SLC35F3: variants seen among roughly 807,000 people sequenced by gnomAD.
The protein encoded by SLC35F3 is putative thiamine transporter SLC35F3.
Under a neutral mutation model 49.9 loss-of-function variants are expected in SLC35F3, and 25 were observed. The observed-to-expected ratio is 0.50, with a 90% CI of 0.37 to 0.70. SLC35F3 has a LOEUF of 0.70. Ranked by LOEUF, SLC35F3 falls within the 30% of genes least tolerant of loss-of-function variation. The probability of loss-of-function intolerance (pLI) is 0.00; values close to 1 mark genes in which losing one functional copy is unlikely to be tolerated. For synonymous variants in SLC35F3, 275 were observed against 265.4 expected (o/e 1.04, Z -0.35); for missense variants, 525 against 639.8 (o/e 0.82, Z 1.94).
chr1:234,169,435 G>A (rs1207619002), intron 2 of SLC35F3, among the ~76,000 whole-genome samples: 6 of 152,202 alleles, frequency 3.9e-5, no homozygotes, highest in Non-Finnish European at 7.3e-5. Context: ...AGGACAAAGC[G>A]TTCCCGGCTG....
At chr1:234,168,263 C>A (rs1056257252) in intron 2 of SLC35F3, among the ~76,000 whole-genome samples, 3 of 152,224 alleles carry the variant, frequency 2.0e-5, no homozygotes, top group Non-Finnish European at 4.4e-5. Flanking sequence ...CTGCCACATG[C>A]GTGGCACTGA....
chr1:234,068,550 A>C (rs1664654664), intron 2 of SLC35F3, among the ~76,000 whole-genome samples: 1 of 151,920 alleles, frequency 6.6e-6, no homozygotes. Flanking sequence ...TAGAACCCAT[A>C]ATTGCTGTCC....
At chr1:234,232,173 C>T (rs1667389170) in intron 3 of SLC35F3, among the ~76,000 whole-genome samples, 1 of 152,230 alleles carries the variant, frequency 6.6e-6, no homozygotes, top group Non-Finnish European at 1.5e-5. Context: ...GACTTCCTTA[C>T]TCATCCTCTT....
chr1:234,100,710 C>A (rs1159165348), intron 2 of SLC35F3, among the ~76,000 whole-genome samples: 2 of 152,226 alleles, frequency 1.3e-5, no homozygotes, highest in Non-Finnish European at 2.9e-5. Flanking sequence ...AATAGAGGGA[C>A]AGAGAGACCC....
At chr1:234,084,747 G>A (rs934216772) in intron 2 of SLC35F3, among the ~76,000 whole-genome samples, 3 of 152,156 alleles carry the variant, frequency 2.0e-5, no homozygotes, top group Non-Finnish European at 2.9e-5. Flanking sequence ...AAGAAGTCAG[G>A]TGGGAAGTGG....
At chr1:233,961,252 CT>C (rs1662796333) in intron 2 of SLC35F3, among the ~76,000 whole-genome samples, 1 of 152,120 alleles carries the variant, frequency 6.6e-6, no homozygotes, top group East Asian at 1.9e-4. Flanking sequence ...TGAAGGCACT[CT>C]CTGTGCCTTG....
At chr1:234,056,684 A>G (rs1664461356) in intron 2 of SLC35F3, among the ~76,000 whole-genome samples, 1 of 151,956 alleles carries the variant, frequency 6.6e-6, no homozygotes, top group South Asian at 2.1e-4. Context: ...CAATTCATCT[A>G]TTTTTTCTTT....
At chr1:234,058,485 T>C (rs1378364898) in intron 2 of SLC35F3, among the ~76,000 whole-genome samples, 1 of 151,756 alleles carries the variant, frequency 6.6e-6, no homozygotes, top group Non-Finnish European at 1.5e-5. Flanking sequence ...GCTGAGACTA[T>C]AGGCATGCAC....
At chr1:234,260,426 A>T (rs1334829805) in intron 3 of SLC35F3, among the ~76,000 whole-genome samples, 1 of 152,186 alleles carries the variant, frequency 6.6e-6, no homozygotes, top group Non-Finnish European at 1.5e-5. Context: ...GAATTCAGCG[A>T]TGGCCATCTG....
Position 234,232,331 on chromosome 1 carries a change from A to C in SLC35F3, c.608+590A>C, listed in dbSNP as rs1667391697. On this transcript the variant is annotated intron_variant, in intron 3 of 7. Transcript: ENST00000366618. ...CCATTGGAATGACGTCCCTTTCAAA[A>C]AGAGGCCAGAAACCCTGACCTCAAC... is the stretch of plus-strand genomic sequence containing the variant. 2.0e-5 allele frequency among the ~76,000 whole-genome samples: 3 copies of C among 152,098 alleles called. No individual in the cohort carries two copies. In the South Asian group the frequency reaches 6.2e-4, roughly 32 times the overall value.
At chr1:234,201,042 G>A (rs375957687) in intron 2 of SLC35F3, among the ~76,000 whole-genome samples, 1 of 152,084 alleles carries the variant, frequency 6.6e-6, no homozygotes, top group African/African-American at 2.4e-5. Flanking sequence ...GCCCTCCTTT[G>A]CAGGAGCACA....
chr1:234,242,023 C>T (rs1572110968), intron 3 of SLC35F3, among the ~76,000 whole-genome samples: 1 of 152,248 alleles, frequency 6.6e-6, no homozygotes. Flanking sequence ...CTGGCATTCT[C>T]TCCCATATTA....
At chr1:234,317,766 G>A (rs1657525704) in intron 5 of SLC35F3, among the ~76,000 whole-genome samples, 1 of 152,196 alleles carries the variant, frequency 6.6e-6, no homozygotes, top group Non-Finnish European at 1.5e-5. Flanking sequence ...TGAGACTCTA[G>A]CAACTGTCCA....
intron 4 of SLC35F3, among the ~76,000 whole-genome samples, chr1:234,310,445 A>AG (rs1465194541): frequency 6.6e-6 from 1 of 152,222 alleles, no homozygotes; most frequent in Non-Finnish European, 1.5e-5. Context: ...AGCTCGCAGT[A>AG]GGGGGAAAAT....
At chr1:234,130,468 G>A (rs10910350) in intron 2 of SLC35F3, among the ~76,000 whole-genome samples, 8,438 of 69,010 alleles carry the variant, frequency 0.12, 359 homozygotes, top group African/African-American at 0.21. Context: ...GTGAAACCCC[G>A]TCTCTAAAAA....
chr1:233,926,656 C>A (rs1327165358), intron 2 of SLC35F3, among the ~76,000 whole-genome samples: 11 of 152,162 alleles, frequency 7.2e-5, no homozygotes, highest in African/African-American at 1.2e-4. Flanking sequence ...AAGTCATTTT[C>A]TGTCCAGCTT....
chr1:234,311,519 T>C (rs1008428761), intron 4 of SLC35F3, among the ~76,000 whole-genome samples: 62 of 152,244 alleles, frequency 4.1e-4, no homozygotes, highest in African/African-American at 1.5e-3. Flanking sequence ...GTTTGTGGAA[T>C]TGGCTGCTAA....
At chr1:234,227,267 GA>G (rs111388749) in intron 2 of SLC35F3, among the ~76,000 whole-genome samples, 9 of 152,280 alleles carry the variant, frequency 5.9e-5, no homozygotes, top group African/African-American at 2.2e-4. Flanking sequence ...GGGTGTTGGA[GA>G]GTGAAGGTGA....
intron 7 of SLC35F3, among the ~76,000 whole-genome samples, chr1:234,322,454 T>G (rs1428588214): frequency 6.6e-6 from 1 of 151,924 alleles, no homozygotes; most frequent in Admixed American, 6.6e-5. Context: ...AAAGAGAAAA[T>G]ATATTTGCTA....
Sources: gnomAD v4.1 joint callset for allele counts (sites outside exome capture counted in the v4.1 genomes callset) on GRCh38, gnomAD v4.1.1 for gene constraint, MANE v1.5 for transcripts, NCBI Gene and HGNC (gene_info 2026-07-23, HGNC 2026-07-21) for gene names.